CYTH1: variants seen among roughly 807,000 people sequenced by gnomAD.
CYTH1 encodes cytohesin 1.
A neutral mutation model predicts 61.8 loss-of-function variants in CYTH1; 18 were observed. The observed-to-expected ratio is 0.29, with a 90% CI of 0.20 to 0.43. The LOEUF (loss-of-function observed/expected upper bound fraction) is 0.43. Ranked by LOEUF, CYTH1 falls within the 20% of genes least tolerant of loss-of-function variation. The probability of loss-of-function intolerance (pLI) is 1.00; values close to 1 mark genes in which losing one functional copy is unlikely to be tolerated. For synonymous variants in CYTH1, 174 were observed against 184.3 expected (o/e 0.94, Z 0.45); for missense variants, 336 against 510.5 (o/e 0.66, Z 3.29).
intron 1 of CYTH1, among the ~76,000 whole-genome samples, chr17:78,729,508 G>A (rs1011346350): frequency 1.3e-5 from 2 of 152,206 alleles, no homozygotes; most frequent in African/African-American, 4.8e-5. Flanking sequence ...TGTCAGGGGA[G>A]TGGGCTACAC....
chr17:78,743,687 C>G (rs2093349805), intron 1 of CYTH1, among the ~76,000 whole-genome samples: 1 of 152,224 alleles, frequency 6.6e-6, no homozygotes, highest in Non-Finnish European at 1.5e-5. Context: ...ATCTGAGACT[C>G]TTAAGTATAT....
rs1412618760 is a variant in CYTH1, at chr17:78,674,413, G to C, written c.*1678C>G. The C allele has an allele frequency of 5.9e-5, 9 of 152,284 alleles. No homozygotes were observed. The highest frequency in any genetic ancestry group is 2.2e-4 in the African/African-American group (9 of 41,432). The allele number at this position is 152,284 out of a possible 1,614,324, so 9.4% of individuals were successfully genotyped here. A position where few individuals can be genotyped will look rare whatever the true frequency, so the allele number is the denominator to read the frequency against. On this transcript the variant is annotated 3_prime_UTR_variant, in exon 14 of 14. Coordinates refer to ENST00000446868, the MANE Select transcript of CYTH1 (RefSeq NM_004762.6). ...AGGCACCACCTGGTTCTCCCACCCAGAAAGTTCAGGTTTCCAGCCTGGACC... is the reference window on the plus strand; with the variant it reads ...AGGCACCACCTGGTTCTCCCACCCACAAAGTTCAGGTTTCCAGCCTGGACC...
At chr17:78,744,858 A>AG (rs1297649033) in intron 1 of CYTH1, among the ~76,000 whole-genome samples, 16 of 151,940 alleles carry the variant, frequency 1.1e-4, no homozygotes, top group Non-Finnish European at 2.2e-4. Context: ...AAAAAAAAAA[A>AG]AAAAGAAAAC....
At chr17:78,737,187 A>G (rs1057490374) in intron 1 of CYTH1, among the ~76,000 whole-genome samples, 3 of 152,172 alleles carry the variant, frequency 2.0e-5, no homozygotes, top group Non-Finnish European at 4.4e-5. Flanking sequence ...TCCGATGGAC[A>G]CCAAAACCCA....
At chr17:78,755,708 G>A (rs1598911982) in intron 1 of CYTH1, among the ~76,000 whole-genome samples, 1 of 151,870 alleles carries the variant, frequency 6.6e-6, no homozygotes, top group African/African-American at 2.4e-5. Context: ...CTGAGGCAGG[G>A]GGACTGCTTA....
intron 1 of CYTH1, among the ~76,000 whole-genome samples, chr17:78,772,928 C>T (rs1185490575): frequency 6.6e-6 from 1 of 152,144 alleles, no homozygotes; most frequent in Non-Finnish European, 1.5e-5. Context: ...CTCCCAGGTT[C>T]AAGCGATTCT....
At chr17:78,747,759 T>C (rs1235145366) in intron 1 of CYTH1, among the ~76,000 whole-genome samples, 1 of 152,254 alleles carries the variant, frequency 6.6e-6, no homozygotes, top group Non-Finnish European at 1.5e-5. Context: ...TCTTCCCTTG[T>C]AGGGACAGAC....
At position 78,695,994 on chromosome 17, in the gene CYTH1, G is replaced by T. The variant is rs1458196854; in HGVS notation, c.814+13C>A. 7.3e-7 allele frequency: 1 copy of T among 1,367,928 alleles called. No homozygotes were observed. The highest frequency in any genetic ancestry group is 1.1e-5 in the South Asian group (1 of 88,050). 84.7% of individuals were successfully genotyped at this position (1,367,928 alleles called of 1,614,324 possible). On this transcript the variant is annotated intron_variant, in intron 10 of 13. Coordinates refer to ENST00000446868, the MANE Select transcript of CYTH1 (RefSeq NM_004762.6). The stretch of plus-strand genomic sequence containing the variant: ...GCCTAGCAGAGCGAGCGAGCAGGCT[G>T]AGGGTTACATACCTCCTGGAGTTTG...
At chr17:78,679,960 T>G (rs1474034154) in intron 13 of CYTH1, among the ~76,000 whole-genome samples, 1 of 152,206 alleles carries the variant, frequency 6.6e-6, no homozygotes, top group Non-Finnish European at 1.5e-5. Flanking sequence ...TTTGGGTCTA[T>G]GAGGACACGT....
At chr17:78,701,792 C>A in intron 5 of CYTH1, 41 bp from the exon 6 acceptor site, 1 of 1,591,540 alleles carries the variant, frequency 6.3e-7, no homozygotes, top group South Asian at 1.1e-5. Context: ...AAGCAGGAGT[C>A]AGGCACCAAC....
At chr17:78,691,874 A>G (rs2144170033) in intron 11 of CYTH1, 1 of 153,638 alleles carries the variant, frequency 6.5e-6, no homozygotes, top group South Asian at 2.0e-4. Context: ...AGTCTCTCCC[A>G]CTGAATAAAA....
chr17:78,749,858 A>G (rs1204982639), intron 1 of CYTH1, among the ~76,000 whole-genome samples: 1 of 152,132 alleles, frequency 6.6e-6, no homozygotes, highest in Admixed American at 6.6e-5. Context: ...ATTCCCTTAC[A>G]GTTCAAAAAA....
At chr17:78,781,814 C>T (rs1463613783) in intron 1 of CYTH1, among the ~76,000 whole-genome samples, 1 of 151,362 alleles carries the variant, frequency 6.6e-6, no homozygotes, top group Non-Finnish European at 1.5e-5. Flanking sequence ...ACCCCTGCCC[C>T]GGGGACCCCA....
intron 11 of CYTH1, among the ~76,000 whole-genome samples, chr17:78,690,663 C>T (rs1002827056): frequency 2.0e-5 from 3 of 151,906 alleles, no homozygotes; most frequent in Non-Finnish European, 4.4e-5. Flanking sequence ...ACCACCACTA[C>T]ACTCCAGCCT....
chr17:78,763,618 CAAT>C (rs1488852716), intron 1 of CYTH1, among the ~76,000 whole-genome samples: 1 of 152,094 alleles, frequency 6.6e-6, no homozygotes, highest in African/African-American at 2.4e-5. Context: ...TAATAAAGAA[CAAT>C]AAGTTGTTCT....
At chr17:78,771,729 T>TAA (rs752607880) in intron 1 of CYTH1, among the ~76,000 whole-genome samples, 4 of 117,824 alleles carry the variant, frequency 3.4e-5, no homozygotes, top group African/African-American at 9.6e-5. Context: ...GATTCCATCT[T>TAA]AAAAAAAAAA....
chr17:78,756,819 C>T (rs1186913424), intron 1 of CYTH1, among the ~76,000 whole-genome samples: 1 of 150,134 alleles, frequency 6.7e-6, no homozygotes, highest in African/African-American at 2.5e-5. Context: ...AGAGCAAGAT[C>T]TCATTTAAAA....
At chr17:78,760,535 A>G in intron 1 of CYTH1, among the ~76,000 whole-genome samples, 1 of 50,942 alleles carries the variant, frequency 2.0e-5, no homozygotes, top group Admixed American at 2.4e-4. Context: ...ATATATACAT[A>G]CATATATATG....
intron 1 of CYTH1, among the ~76,000 whole-genome samples, chr17:78,741,043 G>A (rs1346789831): frequency 6.6e-6 from 1 of 152,124 alleles, no homozygotes; most frequent in African/African-American, 2.4e-5. Context: ...CCTATGAAAA[G>A]CAATAAATCA....
Sources: allele counts gnomAD v4.1 joint callset (sites outside exome capture counted in the v4.1 genomes callset), GRCh38; gene constraint gnomAD v4.1.1; transcripts MANE v1.5; gene names NCBI Gene and HGNC (gene_info 2026-07-23, HGNC 2026-07-21).